GRIK2: variants seen among roughly 807,000 people sequenced by gnomAD.
The protein encoded by GRIK2 is glutamate ionotropic receptor kainate type subunit 2.
Under a neutral mutation model 100.3 loss-of-function variants are expected in GRIK2, and 32 were observed. The ratio of observed to expected loss-of-function variants is 0.32; its 90% CI spans 0.24 to 0.43. GRIK2 has a LOEUF of 0.43. Among genes scored for constraint, GRIK2 ranks in the 20% least tolerant of loss-of-function variants. The probability of loss-of-function intolerance (pLI) is 1.00; values close to 1 mark genes in which losing one functional copy is unlikely to be tolerated. For missense variants in GRIK2, 843 were observed against 1,114.9 expected, an observed-to-expected ratio of 0.76 and a Z score of 3.47; for synonymous variants, 417 against 389.4, an observed-to-expected ratio of 1.07 and a Z score of -0.83.
At chr6:101,853,231 C>T (rs1784240901) in intron 10 of GRIK2, among the ~76,000 whole-genome samples, 1 of 152,106 alleles carries the variant, frequency 6.6e-6, no homozygotes, top group African/African-American at 2.4e-5. Context: ...TTGTTCTTTA[C>T]CTCTTCTTAG....
intron 9 of GRIK2, among the ~76,000 whole-genome samples, chr6:101,817,029 C>T (rs371857544): frequency 1.3e-5 from 2 of 152,092 alleles, no homozygotes; most frequent in South Asian, 2.1e-4. Context: ...TTGATATGAC[C>T]GGCTTGGCTC....
chr6:102,004,201 A>G (rs1005513518), intron 14 of GRIK2, among the ~76,000 whole-genome samples: 30 of 149,536 alleles, frequency 2.0e-4, no homozygotes, highest in Non-Finnish European at 4.5e-5. Flanking sequence ...ATTTTTCATT[A>G]ATTCTAATTT....
chr6:101,596,760 G>A (rs906626511), intron 2 of GRIK2, among the ~76,000 whole-genome samples: 1 of 151,692 alleles, frequency 6.6e-6, no homozygotes, highest in East Asian at 2.0e-4. Flanking sequence ...GAACCCAGGA[G>A]TACTTTTCTT....
intron 4 of GRIK2, among the ~76,000 whole-genome samples, chr6:101,674,020 T>C (rs901854680): frequency 6.6e-6 from 1 of 152,202 alleles, no homozygotes; most frequent in African/African-American, 2.4e-5. Flanking sequence ...TTTCTCTTTT[T>C]TCTGCAGTTA....
intron 4 of GRIK2, among the ~76,000 whole-genome samples, chr6:101,661,544 G>C (rs1261366546): frequency 6.6e-6 from 1 of 152,092 alleles, no homozygotes; most frequent in Non-Finnish European, 1.5e-5. Flanking sequence ...CCTGCAGCTA[G>C]CTCAGTGTCT....
chr6:101,647,014 G>A (rs1055760273), intron 4 of GRIK2, among the ~76,000 whole-genome samples: 13 of 151,830 alleles, frequency 8.6e-5, no homozygotes, highest in African/African-American at 1.2e-4. Context: ...TGCATTTCTC[G>A]TTTTTCTGTT....
chr6:101,466,078 A>T (rs1771630822), intron 2 of GRIK2, among the ~76,000 whole-genome samples: 1 of 152,162 alleles, frequency 6.6e-6, no homozygotes, highest in Non-Finnish European at 1.5e-5. Context: ...GATATGGTTC[A>T]CACTTATTCA....
At chr6:101,478,933 G>T (rs892083496) in intron 2 of GRIK2, among the ~76,000 whole-genome samples, 22 of 152,020 alleles carry the variant, frequency 1.4e-4, no homozygotes, top group African/African-American at 5.3e-4. Flanking sequence ...TTTCAGACAT[G>T]TATTGGCATT....
At chr6:101,985,917 C>T (rs951707077) in intron 14 of GRIK2, among the ~76,000 whole-genome samples, 2 of 151,494 alleles carry the variant, frequency 1.3e-5, no homozygotes, top group Non-Finnish European at 3.0e-5. Context: ...TGCCATATAC[C>T]TTTCTAAAAA....
intron 14 of GRIK2, among the ~76,000 whole-genome samples, chr6:101,953,721 T>C (rs1209440935): frequency 2.0e-5 from 3 of 152,204 alleles, no homozygotes; most frequent in Non-Finnish European, 4.4e-5. Context: ...TTTTACTTTG[T>C]TCATCGTGTC....
chr6:101,795,281 A>G (rs1218756933), intron 7 of GRIK2, among the ~76,000 whole-genome samples: 4 of 152,184 alleles, frequency 2.6e-5, no homozygotes, highest in African/African-American at 7.2e-5. Context: ...TAGCAGTAGC[A>G]TAGTCCTCAT....
chr6:101,406,353 G>A (rs973452263), intron 2 of GRIK2, among the ~76,000 whole-genome samples: 3 of 152,042 alleles, frequency 2.0e-5, no homozygotes, highest in African/African-American at 7.2e-5. Context: ...TATTTTCTTA[G>A]CTAAAAACTG....
At chr6:102,044,462 G>T (rs1353395146) in intron 15 of GRIK2, among the ~76,000 whole-genome samples, 1 of 152,056 alleles carries the variant, frequency 6.6e-6, no homozygotes. Flanking sequence ...GATTGGGGAG[G>T]CCTCTGATTT....
At chr6:101,645,430 G>A (rs1470952963) in intron 4 of GRIK2, among the ~76,000 whole-genome samples, 2 of 151,756 alleles carry the variant, frequency 1.3e-5, no homozygotes, top group African/African-American at 4.8e-5. Context: ...TACATAACAA[G>A]GTTGTTTTGA....
intron 7 of GRIK2, among the ~76,000 whole-genome samples, chr6:101,748,932 A>G (rs1450903863): frequency 6.6e-6 from 1 of 152,180 alleles, no homozygotes; most frequent in African/African-American, 2.4e-5. Context: ...TAAATTTGCA[A>G]TTGCTTGGAA....
intron 2 of GRIK2, among the ~76,000 whole-genome samples, chr6:101,563,910 T>C (rs1027482274): frequency 2.6e-5 from 4 of 152,112 alleles, no homozygotes; most frequent in Admixed American, 6.5e-5. Context: ...TTTAATACTT[T>C]AAAAAATGCA....
intron 11 of GRIK2, among the ~76,000 whole-genome samples, chr6:101,875,820 A>G (rs962001027): frequency 2.0e-5 from 3 of 151,942 alleles, no homozygotes; most frequent in Non-Finnish European, 4.4e-5. Context: ...GGAAGCTTAG[A>G]CTGATCAACC....
chr6:101,982,159 A>C (rs1275879354), intron 14 of GRIK2, among the ~76,000 whole-genome samples: 5 of 151,888 alleles, frequency 3.3e-5, no homozygotes, highest in Non-Finnish European at 7.4e-5. Flanking sequence ...ATCAAACTTC[A>C]GCAAATAGAA....
chr6:101,928,327 T>C, intron 13 of GRIK2, 88 bp from the exon 14 acceptor site: 1 of 738,304 alleles, frequency 1.4e-6, no homozygotes, highest in South Asian at 1.5e-5. Context: ...TATTACACAG[T>C]GATTCCATTC....
Sources: gnomAD v4.1 joint callset for allele counts (sites outside exome capture counted in the v4.1 genomes callset) on GRCh38, gnomAD v4.1.1 for gene constraint, MANE v1.5 for transcripts, NCBI Gene and HGNC (gene_info 2026-07-23, HGNC 2026-07-21) for gene names.